Variants in MCIDAS observed in about 807,000 individuals in gnomAD.
MCIDAS encodes multiciliate differentiation and DNA synthesis associated cell cycle protein, also known as multicilin.
In MCIDAS, 23 loss-of-function variants were observed where a neutral mutation model predicts 35.4. The observed-to-expected ratio is 0.65, with a 90% CI of 0.47 to 0.92. The LOEUF is 0.92. MCIDAS is among the 40% of genes least tolerant of loss of function. The pLI is 0.00. For missense variants in MCIDAS, 480 were observed against 531.8 expected, an observed-to-expected ratio of 0.90 and a Z score of 0.96; for synonymous variants, 228 against 235.2, an observed-to-expected ratio of 0.97 and a Z score of 0.28.
chr5:55,227,205 C>A lies in MCIDAS; in HGVS notation c.-67G>T. The A allele has an allele frequency of 7.2e-7, 1 of 1,387,450 alleles. No individual in the cohort carries two copies. Among genetic ancestry groups the A allele is most frequent in the South Asian group, 1.6e-5 (1 of 61,050 alleles). 85.9% of individuals were successfully genotyped at this position (1,387,450 alleles called of 1,614,324 possible). On this transcript the variant is annotated 5_prime_UTR_variant, in exon 1 of 7. Coordinates refer to ENST00000513312, the MANE Select transcript of MCIDAS (RefSeq NM_001190787.3). ...GCCCGGGCTGGGGCAGCGATCCACA[C>A]CCTGCACTCCCTTCAGTGCCTGCAG...
chr5:55,223,052 T>C lies in MCIDAS; in HGVS notation c.310-29A>G, dbSNP rs1373870461. 3.3e-6 allele frequency: 5 copies of C among 1,522,530 alleles called. No individual in the cohort carries two copies. In the South Asian group the frequency reaches 6.0e-5, roughly 18 times the overall value. 94.3% of individuals were successfully genotyped at this position (1,522,530 alleles called of 1,614,324 possible). A position where few individuals can be genotyped will look rare whatever the true frequency, so the allele number is the denominator to read the frequency against. On this transcript the variant is annotated intron_variant, in intron 3 of 6. Coordinates refer to ENST00000513312, the MANE Select transcript of MCIDAS (RefSeq NM_001190787.3). This position sits in a 1 kb window ranked among gnomAD's most constrained non-coding sequence, Gnocchi z 4.4. ...AAAAAAACCAGAGGTGTACACTGGT[T>C]AACGAGTCTGGCGTTAGAAAGCCTT...
intron 5 of MCIDAS, 104 bp downstream of exon 5, chr5:55,222,072 G>A (rs1334897255): frequency 3.6e-6 from 4 of 1,095,982 alleles, no homozygotes; most frequent in African/African-American, 1.5e-5. Context: ...CAGTCCACTG[G>A]TTCCGACTCA....
Position 55,222,156 on chromosome 5 carries a change from C to T in MCIDAS, c.606+20G>A, listed in dbSNP as rs777964921. On this transcript the variant is annotated intron_variant, in intron 5 of 6. Transcript: ENST00000513312. ...CTGTCCCTGCCCCAGGATTCCTGGTCGCCAGACCAGTGTCCCTACTTGATT... is the reference window on the plus strand; with the variant it reads ...CTGTCCCTGCCCCAGGATTCCTGGTTGCCAGACCAGTGTCCCTACTTGATT... 76 of 1,533,418 alleles carry T rather than the reference C, an allele frequency of 5.0e-5. 1 individual carries two copies. In the African/African-American group the frequency reaches 9.0e-4, roughly 18 times the overall value. 95.0% of individuals were successfully genotyped at this position (1,533,418 alleles called of 1,614,324 possible).
intron 6 of MCIDAS, 84 bp downstream of exon 6, chr5:55,220,932 C>T: frequency 1.4e-6 from 2 of 1,450,884 alleles, no homozygotes; most frequent in Non-Finnish European, 1.8e-6. Context: ...CCCGGGCCCC[C>T]ACGGGTCCCG....
chr5:55,225,701 C>A (rs1745443888), intron 3 of MCIDAS, among the ~76,000 whole-genome samples: 1 of 152,220 alleles, frequency 6.6e-6, no homozygotes. Flanking sequence ...GGCCTGTCTG[C>A]AAACCCCAGA....
rs1005388430 is a variant in MCIDAS at position 55,220,960 on chromosome 5, A to C, written c.717+56T>G. On this transcript the variant is annotated intron_variant, in intron 6 of 6. Transcript: ENST00000513312. Reference sequence around the variant, plus strand: ...GGGTCCCGATGCTGGGCGGGGATGCACTGAACTGTTCAGTTCCGACGTGCT... The same window carrying C: ...GGGTCCCGATGCTGGGCGGGGATGCCCTGAACTGTTCAGTTCCGACGTGCT... 13 of 1,485,956 alleles carry C rather than the reference A, an allele frequency of 8.7e-6. No homozygotes were observed. The African/African-American group carries it at 1.7e-4, about 19-fold the overall frequency. 92.0% of individuals were successfully genotyped at this position (1,485,956 alleles called of 1,614,324 possible).
chr5:55,220,237 G>A lies in MCIDAS; in HGVS notation c.*129C>T, dbSNP rs898636308. The A allele has an allele frequency of 4.6e-5, 39 of 840,780 alleles. No homozygotes were observed. Among genetic ancestry groups the A allele is most frequent in the Admixed American group, 1.7e-4 (6 of 34,368 alleles). The allele number at this position is 840,780 out of a possible 1,614,324, so 52.1% of individuals were successfully genotyped here. A position where few individuals can be genotyped will look rare whatever the true frequency, so the allele number is the denominator to read the frequency against. Reference sequence around the variant, plus strand: ...TTGTAGCAGAAATTTACAATGCATCGGTATCAAGATGCTTTTGTTCCTGAA... The same window carrying A: ...TTGTAGCAGAAATTTACAATGCATCAGTATCAAGATGCTTTTGTTCCTGAA... On this transcript the variant is annotated 3_prime_UTR_variant, in exon 7 of 7. Transcript: ENST00000513312.
chr5:55,219,570 A>G lies in MCIDAS; in HGVS notation c.*796T>C, dbSNP rs1379202925. The G allele has an allele frequency of 2.2e-5, 3 of 136,842 alleles. No individual in the cohort carries two copies. Among genetic ancestry groups the G allele is most frequent in the Non-Finnish European group, 4.7e-5 (3 of 63,962 alleles). The allele number at this position is 136,842 out of a possible 1,614,324, so 8.5% of individuals were successfully genotyped here. A position where few individuals can be genotyped will look rare whatever the true frequency, so the allele number is the denominator to read the frequency against. On this transcript the variant is annotated 3_prime_UTR_variant, in exon 7 of 7. Coordinates refer to ENST00000513312, the MANE Select transcript of MCIDAS (RefSeq NM_001190787.3). ...AAAAAAAAAGGGAACACTCTTTTTC[A>G]TGCGGTATATGCTATTTTCTTAAAA...
In MCIDAS at chr5:55,219,574, G is replaced by A. The variant is rs115172095; in HGVS notation, c.*792C>T. 260 of 145,442 alleles carry A rather than the reference G, an allele frequency of 1.8e-3. No individual in the cohort carries two copies. The highest frequency in any genetic ancestry group is 6.3e-3 in the African/African-American group (250 of 39,466). The allele number at this position is 145,442 out of a possible 1,614,324, so 9.0% of individuals were successfully genotyped here. ...AAAAAGGGAACACTCTTTTTCATGC[G>A]GTATATGCTATTTTCTTAAAACAAT... On this transcript the variant is annotated 3_prime_UTR_variant, in exon 7 of 7. Transcript: ENST00000513312.
chr5:55,220,560 CG>C lies in MCIDAS; in HGVS notation c.963del (p.Ala322ProfsTer14). The stretch of plus-strand genomic sequence containing the variant: ...CAGTCTGTGCGCAGCCCCCGGAAGG[CG>C]CCATGCAGGTTCCCGGGCCTGGTGT... ...NTDTRPGNLH[G>X]AFRGLRTDCS... is the part of the protein sequence containing the mutation. On this transcript the variant is annotated frameshift_variant, in exon 7 of 7. Coordinates refer to ENST00000513312, the MANE Select transcript of MCIDAS (RefSeq NM_001190787.3). LOFTEE classifies it high-confidence loss of function. 1 of 1,536,038 alleles carries C rather than the reference CG, an allele frequency of 6.5e-7. No homozygotes were observed. The highest frequency in any genetic ancestry group is 8.7e-7 in the Non-Finnish European group (1 of 1,146,858).
At chr5:55,225,054 C>A (rs1745433025) in intron 3 of MCIDAS, among the ~76,000 whole-genome samples, 1 of 151,970 alleles carries the variant, frequency 6.6e-6, no homozygotes. Flanking sequence ...ACAGACAAAC[C>A]AAAAACTAGC....
chr5:55,226,320 G>T (rs1294547198), intron 3 of MCIDAS, among the ~76,000 whole-genome samples: 1 of 152,138 alleles, frequency 6.6e-6, no homozygotes, highest in East Asian at 1.9e-4. Context: ...GAAATAGGAG[G>T]GGAGGCCTCC....
In MCIDAS at chr5:55,220,774, C is replaced by T. The variant is rs1299808054; in HGVS notation, c.750G>A (p.Gly250=). 9.1e-6 allele frequency: 14 copies of T among 1,533,594 alleles called. No homozygotes were observed. The highest frequency in any genetic ancestry group is 1.7e-4 in the Middle Eastern group (1 of 5,886). The allele number at this position is 1,533,594 out of a possible 1,614,324, so 95.0% of individuals were successfully genotyped here. ...KLMITQSRDC[G]AAAEPFLLKA... The stretch of plus-strand genomic sequence containing the variant: ...TGAGCAGGAAGGGCTCGGCCGCCGC[C>T]CCACAATCCCGGGACTGTGTGATCA... The change falls in exon 7 of 7, where the codon GGG becomes GGA. Residue 250 remains glycine, a synonymous_variant. Transcript: ENST00000513312.
Position 55,223,059 on chromosome 5 carries a change from T to A in MCIDAS, c.310-36A>T. The A allele has an allele frequency of 2.0e-6, 3 of 1,504,268 alleles. No homozygotes were observed. The highest frequency in any genetic ancestry group is 2.7e-6 in the Non-Finnish European group (3 of 1,118,556). 93.2% of individuals were successfully genotyped at this position (1,504,268 alleles called of 1,614,324 possible). ...CCAGAGGTGTACACTGGTTAACGAG[T>A]CTGGCGTTAGAAAGCCTTCAATAAA... On this transcript the variant is annotated intron_variant, in intron 3 of 6. Transcript: ENST00000513312. The surrounding 1 kb of genome is among the most constrained non-coding windows in gnomAD (Gnocchi z 4.4).
At chr5:55,224,322 C>T (rs1031292914) in intron 3 of MCIDAS, among the ~76,000 whole-genome samples, 2 of 152,118 alleles carry the variant, frequency 1.3e-5, no homozygotes, top group Non-Finnish European at 2.9e-5. Flanking sequence ...CCTTTGCGCT[C>T]ATCATACTGT....
At chr5:55,222,064 G>C in intron 5 of MCIDAS, 112 bp downstream of exon 5, 1 of 983,062 alleles carries the variant, frequency 1.0e-6, no homozygotes, top group Non-Finnish European at 1.5e-6. Context: ...CCACCAGTCA[G>C]TCCACTGGTT....
In MCIDAS at chr5:55,226,920, C is replaced by T. The variant is rs760210860; in HGVS notation, c.132G>A (p.Pro44=). 6 of 1,431,580 alleles carry T rather than the reference C, an allele frequency of 4.2e-6. No homozygotes were observed. In the South Asian group the frequency reaches 5.8e-5, roughly 14 times the overall value. The allele number at this position is 1,431,580 out of a possible 1,614,324, so 88.7% of individuals were successfully genotyped here. Residue 44 remains proline, a synonymous_variant, in exon 2 of 7, where the codon CCG becomes CCA. Transcript: ENST00000513312. ...PGKPERKFAP[P]RKFFPGCTGG... ...CTGTGCATCCGGGGAAGAACTTCCG[C>T]GGAGGAGCGAACTGGCCGGGCACAC...
intron 6 of MCIDAS, 33 bp downstream of exon 6, chr5:55,220,983 G>A: frequency 1.3e-6 from 2 of 1,515,660 alleles, no homozygotes; most frequent in African/African-American, 1.4e-5. Flanking sequence ...GTTCCGACGT[G>A]CTGCAGTTCC....
intron 6 of MCIDAS, 103 bp downstream of exon 6, chr5:55,220,913 C>T (rs1199354108): frequency 3.4e-6 from 5 of 1,450,644 alleles, no homozygotes; most frequent in Non-Finnish European, 4.6e-6. Context: ...CTCAGCGGTA[C>T]TCTCCTCTCC....
Sources: allele counts gnomAD v4.1 joint callset (sites outside exome capture counted in the v4.1 genomes callset), GRCh38; gene constraint gnomAD v4.1.1; non-coding constraint Gnocchi (gnomAD v3.1); transcripts MANE v1.5; gene names NCBI Gene and HGNC (gene_info 2026-07-23, HGNC 2026-07-21).